ARL14EPL: variants seen among roughly 807,000 people sequenced by gnomAD.
ARL14EPL encodes the protein ARF like GTPase 14 effector protein like.
Under a neutral mutation model 15.9 loss-of-function variants are expected in ARL14EPL, and 17 were observed. That is an observed-to-expected ratio of 1.07 (90% CI 0.73 to 1.60). ARL14EPL has a LOEUF of 1.60. Ranked by LOEUF, ARL14EPL falls within the 40% of genes most tolerant of loss-of-function variation. The probability of loss-of-function intolerance (pLI) is 0.00; values close to 1 mark genes in which losing one functional copy is unlikely to be tolerated. For synonymous variants in ARL14EPL, 78 were observed against 63.8 expected (o/e 1.22, Z -1.06); for missense variants, 214 against 185.9 (o/e 1.15, Z -0.88).
chr5:116,038,901 A>C (rs1003705650), intron 1 of ARL14EPL, among the ~76,000 whole-genome samples: 1 of 148,356 alleles, frequency 6.7e-6, no homozygotes, highest in Middle Eastern at 3.4e-3. Flanking sequence ...GTGGCTCACC[A>C]TGAGAGGCCA....
At chr5:116,052,018 C>T (rs1580416114) in intron 2 of ARL14EPL, 4 of 1,610,732 alleles carry the variant, frequency 2.5e-6, no homozygotes, top group South Asian at 1.1e-5. Flanking sequence ...TACTAAGGAG[C>T]TCCTGAAGGG....
intron 1 of ARL14EPL, among the ~76,000 whole-genome samples, chr5:116,043,694 C>T (rs1161987244): frequency 6.6e-6 from 1 of 152,138 alleles, no homozygotes; most frequent in Non-Finnish European, 1.5e-5. Context: ...AAGTAAGGTT[C>T]AGTGCCGTGG....
chr5:116,042,889 T>C (rs887020823), intron 1 of ARL14EPL, among the ~76,000 whole-genome samples: 6 of 152,312 alleles, frequency 3.9e-5, no homozygotes, highest in Non-Finnish European at 8.8e-5. Context: ...GTATTCTGCT[T>C]TTTAAATTTA....
intron 1 of ARL14EPL, among the ~76,000 whole-genome samples, chr5:116,044,696 G>T (rs1749231449): frequency 6.6e-6 from 1 of 152,016 alleles, no homozygotes; most frequent in Non-Finnish European, 1.5e-5. Flanking sequence ...CTCATAATCC[G>T]ATTTCATATG....
At chr5:116,046,743 C>T (rs183923292) in intron 1 of ARL14EPL, among the ~76,000 whole-genome samples, 4 of 152,280 alleles carry the variant, frequency 2.6e-5, no homozygotes, top group African/African-American at 7.2e-5. Context: ...TTCATTGTAG[C>T]ATTTTCTGAA....
intron 1 of ARL14EPL, among the ~76,000 whole-genome samples, chr5:116,037,087 T>C (rs1471579073): frequency 6.6e-6 from 1 of 152,172 alleles, no homozygotes; most frequent in Non-Finnish European, 1.5e-5. Flanking sequence ...AATTGTTGAT[T>C]AAGTATAGCC....
intron 1 of ARL14EPL, among the ~76,000 whole-genome samples, chr5:116,039,341 G>A (rs1749105883): frequency 6.6e-6 from 1 of 152,178 alleles, no homozygotes; most frequent in Non-Finnish European, 1.5e-5. Flanking sequence ...GAACCAGAAT[G>A]GGATCTCTAC....
intron 1 of ARL14EPL, among the ~76,000 whole-genome samples, chr5:116,048,856 G>C (rs1413249936): frequency 6.6e-6 from 1 of 152,120 alleles, no homozygotes; most frequent in Admixed American, 6.6e-5. Context: ...ATAGGAATGA[G>C]ATAAAGAGAT....
intron 1 of ARL14EPL, among the ~76,000 whole-genome samples, chr5:116,037,539 C>T (rs1317195757): frequency 7.0e-6 from 1 of 143,816 alleles, no homozygotes; most frequent in African/African-American, 2.9e-5. Context: ...AAGATACATG[C>T]CCTTCACATG....
intron 1 of ARL14EPL, among the ~76,000 whole-genome samples, chr5:116,044,066 C>T (rs1240188377): frequency 6.6e-6 from 1 of 152,144 alleles, no homozygotes; most frequent in African/African-American, 2.4e-5. Flanking sequence ...GCTGTGTAAT[C>T]TCAAAAATAT....
intron 1 of ARL14EPL, among the ~76,000 whole-genome samples, chr5:116,036,884 T>C (rs1451361019): frequency 6.6e-6 from 1 of 152,204 alleles, no homozygotes; most frequent in African/African-American, 2.4e-5. Flanking sequence ...AATTTATTGA[T>C]GCATTTTGAA....
At chr5:116,058,680 A>G (rs1749575931) in intron 3 of ARL14EPL, 45 bp from the exon 4 acceptor site, 1 of 1,496,388 alleles carries the variant, frequency 6.7e-7, no homozygotes, top group African/African-American at 1.4e-5. Context: ...CTCAATGTTG[A>G]GGATGATTGC....
chr5:116,056,337 A>G (rs192412724), intron 3 of ARL14EPL, among the ~76,000 whole-genome samples: 4 of 152,264 alleles, frequency 2.6e-5, no homozygotes, highest in Non-Finnish European at 5.9e-5. Flanking sequence ...AATGATCGTC[A>G]TTCTAACTGG....
chr5:116,040,979 C>CAAAAAAAAAAAAAAAAAAAAAAAAAAAAA (rs56060606), intron 1 of ARL14EPL, among the ~76,000 whole-genome samples: 2 of 66,156 alleles, frequency 3.0e-5, no homozygotes, highest in African/African-American at 1.3e-4. Context: ...GATTCCCTCT[C>CAAAAAAAAAAAAAAAAAAAAAAAAAAAAA]AAAAAAAAAA....
At chr5:116,051,693 C>A in intron 2 of ARL14EPL, 132 bp downstream of exon 2, 2 of 794,080 alleles carry the variant, frequency 2.5e-6, no homozygotes, top group East Asian at 5.3e-5. Flanking sequence ...GCCGCCCAGG[C>A]TGATAGAGCT....
At chr5:116,035,719 A>C (rs1749037959) in intron 1 of ARL14EPL, among the ~76,000 whole-genome samples, 3 of 152,206 alleles carry the variant, frequency 2.0e-5, no homozygotes, top group African/African-American at 7.2e-5. Flanking sequence ...GAGAGGGTCA[A>C]CTTGACTGGG....
Position 116,058,836 on chromosome 5 carries a change from C to G in ARL14EPL, c.348C>G (p.Asn116Lys). ...LGCFYPCPKC[N>K]SNKCGPECRC... is the part of the protein sequence containing the mutation. ...GCTTCTACCCATGCCCGAAGTGTAACTCCAACAAGTGTGGGCCCGAGTGCC... is the reference window on the plus strand; with the variant it reads ...GCTTCTACCCATGCCCGAAGTGTAAGTCCAACAAGTGTGGGCCCGAGTGCC... Residue 116 changes from asparagine (N) to lysine (K), a missense_variant, in exon 4 of 4, where the codon AAC becomes AAG. Asn to Lys is a moderately conservative substitution (Grantham distance 94, BLOSUM62 0). Coordinates refer to ENST00000686077, the MANE Select transcript of ARL14EPL (RefSeq NM_001195581.2). 1.3e-6 allele frequency: 2 copies of G among 1,536,090 alleles called. No individual in the cohort carries two copies. The highest frequency in any genetic ancestry group is 1.7e-6 in the Non-Finnish European group (2 of 1,146,904).
At chr5:116,039,642 A>T (rs1749111885) in intron 1 of ARL14EPL, among the ~76,000 whole-genome samples, 2 of 152,170 alleles carry the variant, frequency 1.3e-5, no homozygotes, top group Admixed American at 1.3e-4. Context: ...AGAACAACAG[A>T]ACATGAAAAT....
intron 1 of ARL14EPL, among the ~76,000 whole-genome samples, chr5:116,043,849 T>C (rs1198065811): frequency 8.5e-5 from 13 of 152,208 alleles, no homozygotes; most frequent in Non-Finnish European, 1.5e-5. Context: ...CCCTTGATGT[T>C]TTTGTTGTAT....
Sources: gnomAD v4.1 joint callset for allele counts (sites outside exome capture counted in the v4.1 genomes callset) on GRCh38, gnomAD v4.1.1 for gene constraint, MANE v1.5 for transcripts, NCBI Gene and HGNC (gene_info 2026-07-23, HGNC 2026-07-21) for gene names.